The following MIGA1 variants were observed in gnomAD, a reference collection of about 807,000 sequenced individuals.
MIGA1 encodes family with sequence similarity 73, member A.
Under a neutral mutation model 82.0 loss-of-function variants are expected in MIGA1, and 58 were observed. That is an observed-to-expected ratio of 0.71 (90% CI 0.57 to 0.88). The LOEUF is 0.88. MIGA1 is among the 40% of genes least tolerant of loss of function. The pLI, the probability that MIGA1 is intolerant of heterozygous loss-of-function variation, is 0.00. For missense variants in MIGA1, 751 were observed against 749.1 expected (o/e 1.00, Z -0.03); for synonymous variants, 249 against 253.6 (o/e 0.98, Z 0.17).
At chr1:77,864,964 T>G (rs1190241723) in intron 13 of MIGA1, among the ~76,000 whole-genome samples, 3 of 152,172 alleles carry the variant, frequency 2.0e-5, no homozygotes, top group Non-Finnish European at 2.9e-5. Flanking sequence ...AATTTCACAA[T>G]TATTTTGGAA....
chr1:77,811,158 A>G, intron 5 of MIGA1: 2 of 1,525,514 alleles, frequency 1.3e-6, no homozygotes, highest in Non-Finnish European at 1.8e-6. Flanking sequence ...TTGAAGCCAC[A>G]GGAGTATCTT....
chr1:77,816,774 T>G (rs1683587755), intron 7 of MIGA1, among the ~76,000 whole-genome samples: 1 of 152,200 alleles, frequency 6.6e-6, no homozygotes, highest in African/African-American at 2.4e-5. Context: ...TACAGTTTCT[T>G]TTGTAACTTT....
At chr1:77,835,920 C>A (rs1039352301) in intron 7 of MIGA1, among the ~76,000 whole-genome samples, 3 of 151,572 alleles carry the variant, frequency 2.0e-5, no homozygotes, top group African/African-American at 7.3e-5. Context: ...TGCACTCCAG[C>A]CTGGGCAACA....
At chr1:77,846,975 C>G in intron 8 of MIGA1, 1 of 531,582 alleles carries the variant, frequency 1.9e-6, no homozygotes, top group Non-Finnish European at 3.4e-6. Context: ...AATTTAGATA[C>G]CTCTACTTGT....
chr1:77,783,114 T>A, intron 1 of MIGA1, 124 bp from the exon 2 acceptor site: 1 of 584,262 alleles, frequency 1.7e-6, no homozygotes, highest in Non-Finnish European at 2.8e-6. Context: ...AGCTCAAGTG[T>A]AATGTCATCA....
chr1:77,797,085 A>T (rs1164844844), intron 2 of MIGA1, among the ~76,000 whole-genome samples: 1 of 152,168 alleles, frequency 6.6e-6, no homozygotes, highest in Non-Finnish European at 1.5e-5. Flanking sequence ...TTTTACCATA[A>T]TGCATTTGAA....
At chr1:77,781,189 G>T (rs1415738120) in intron 1 of MIGA1, among the ~76,000 whole-genome samples, 2 of 152,112 alleles carry the variant, frequency 1.3e-5, no homozygotes, top group African/African-American at 4.8e-5. Context: ...GATTACAGGC[G>T]TGAGCCACCA....
chr1:77,847,676 T>A, intron 8 of MIGA1: 3 of 1,575,406 alleles, frequency 1.9e-6, no homozygotes, highest in Non-Finnish European at 2.6e-6. Context: ...AAGATCTCAG[T>A]GGATTTTATA....
rs1646902826 is a variant in MIGA1 at position 77,877,503 on chromosome 1, T to TTAATATTACATGTTTTTACC, written c.*2441_*2460dup. 6.6e-6 allele frequency: 1 copy of TTAATATTACATGTTTTTACC among 152,336 alleles called. No homozygotes were observed. The highest frequency in any genetic ancestry group is 1.5e-5 in the Non-Finnish European group (1 of 68,040). 9.4% of individuals were successfully genotyped at this position (152,336 alleles called of 1,614,324 possible). Reference sequence around the variant, plus strand: ...CCATTATGTACTGTTTACTTTTTATTTAATATTACATGTTTTTACCTTGTT... The same window carrying TTAATATTACATGTTTTTACC: ...CCATTATGTACTGTTTACTTTTTATTTAATATTACATGTTTTTACCTAATATTACATGTTTTTACCTTGTT... On this transcript the variant is annotated 3_prime_UTR_variant, in exon 16 of 16. Transcript: ENST00000370791.
intron 5 of MIGA1, 79 bp downstream of exon 5, chr1:77,807,180 C>A: frequency 8.7e-7 from 1 of 1,153,526 alleles, no homozygotes. Flanking sequence ...TTTATTGAGA[C>A]AGACAGGGTC....
At chr1:77,795,489 A>G (rs761515616) in intron 2 of MIGA1, among the ~76,000 whole-genome samples, 2 of 151,752 alleles carry the variant, frequency 1.3e-5, no homozygotes, top group African/African-American at 4.8e-5. Context: ...ACCCACTGCC[A>G]TACCCTGCCA....
intron 7 of MIGA1, among the ~76,000 whole-genome samples, chr1:77,819,080 C>CAAAAAAA (rs745979095): frequency 1.6e-5 from 1 of 63,328 alleles, no homozygotes; most frequent in Non-Finnish European, 3.3e-5. Context: ...AACTCTGTCC[C>CAAAAAAA]AAAAAAAAAA....
At chr1:77,806,849 C>A in intron 4 of MIGA1, 126 bp from the exon 5 acceptor site, 98 of 580,572 alleles carry the variant, frequency 1.7e-4, no homozygotes, top group Middle Eastern at 8.7e-4. Flanking sequence ...ATTATTTCTT[C>A]ATGTGGAAAT....
intron 14 of MIGA1, among the ~76,000 whole-genome samples, chr1:77,871,285 T>G (rs1201151043): frequency 6.6e-6 from 1 of 152,004 alleles, no homozygotes; most frequent in Admixed American, 6.6e-5. Context: ...GTGGATCACC[T>G]GAGGTCAGGA....
At chr1:77,833,051 G>C (rs1014515854) in intron 7 of MIGA1, among the ~76,000 whole-genome samples, 1 of 152,136 alleles carries the variant, frequency 6.6e-6, no homozygotes, top group African/African-American at 2.4e-5. Context: ...TTGGTAAGCA[G>C]CCAGATAGAA....
chr1:77,788,002 T>G (rs1682245987), intron 2 of MIGA1, among the ~76,000 whole-genome samples: 1 of 151,686 alleles, frequency 6.6e-6, no homozygotes, highest in South Asian at 2.1e-4. Flanking sequence ...TTTTTCTTTT[T>G]TTTAGACAGA....
chr1:77,822,279 G>A (rs1223599848), intron 7 of MIGA1, among the ~76,000 whole-genome samples: 1 of 152,086 alleles, frequency 6.6e-6, no homozygotes, highest in African/African-American at 2.4e-5. Context: ...GAGACCATGG[G>A]GCCGGGCACA....
chr1:77,847,577 A>G (rs571721739), intron 8 of MIGA1: 157 of 1,518,000 alleles, frequency 1.0e-4, no homozygotes, highest in Non-Finnish European at 1.4e-4. Flanking sequence ...TGACATCTGC[A>G]TATAAGAAAA....
intron 8 of MIGA1, among the ~76,000 whole-genome samples, chr1:77,844,113 AATAT>A (rs869208869): frequency 1.9e-3 from 170 of 90,140 alleles, no homozygotes; most frequent in Non-Finnish European, 2.7e-3. Context: ...AAAAAAAAAA[AATAT>A]ATATATATAT....
Sources: allele counts gnomAD v4.1 joint callset (sites outside exome capture counted in the v4.1 genomes callset), GRCh38; gene constraint gnomAD v4.1.1; transcripts MANE v1.5; gene names NCBI Gene and HGNC (gene_info 2026-07-23, HGNC 2026-07-21).